The following ABLIM1 variants were observed in gnomAD, a reference collection of about 807,000 sequenced individuals.
The protein encoded by ABLIM1 is actin binding LIM protein 1, also known as actin-binding LIM protein 1.
ABLIM1 carries 40 observed loss-of-function variants against 107.0 expected under a neutral mutation model. That is an observed-to-expected ratio of 0.37 (90% CI 0.29 to 0.49). The LOEUF is 0.49. Ranked by LOEUF, ABLIM1 falls within the 20% of genes least tolerant of loss-of-function variation. The pLI, the probability that ABLIM1 is intolerant of heterozygous loss-of-function variation, is 0.97. For missense variants in ABLIM1, 857 were observed against 1,008.5 expected (o/e 0.85, Z 2.04); for synonymous variants, 357 against 357.3 (o/e 1.00, Z 0.01).
intron 2 of ABLIM1, among the ~76,000 whole-genome samples, chr10:114,591,296 A>T (rs1216177054): frequency 1.3e-5 from 2 of 152,284 alleles, no homozygotes; most frequent in East Asian, 3.9e-4. Flanking sequence ...TATTTGCCAT[A>T]GTTTTTATCT....
At chr10:114,595,672 C>T (rs1297092678) in intron 2 of ABLIM1, among the ~76,000 whole-genome samples, 1 of 152,170 alleles carries the variant, frequency 6.6e-6, no homozygotes, top group African/African-American at 2.4e-5. Flanking sequence ...TTGGGATCTG[C>T]TTTTCATTTA....
chr10:114,658,662 G>A (rs916659581), upstream of ABLIM1, among the ~76,000 whole-genome samples: 2 of 152,122 alleles, frequency 1.3e-5, no homozygotes, highest in Non-Finnish European at 2.9e-5. Context: ...CAGTATTTCA[G>A]ATCTCACAGG....
intron 1 of ABLIM1, among the ~76,000 whole-genome samples, chr10:114,665,545 A>C (rs541348121): frequency 6.6e-6 from 1 of 152,378 alleles, no homozygotes; most frequent in African/African-American, 2.4e-5. Context: ...ACATATAAAC[A>C]ACTCTATTTA....
intron 1 of ABLIM1, among the ~76,000 whole-genome samples, chr10:114,633,491 C>T (rs943165497): frequency 6.6e-5 from 10 of 152,144 alleles, no homozygotes; most frequent in Non-Finnish European, 1.0e-4. Flanking sequence ...TAAGTCCCCT[C>T]CAGCCCCTGG....
At chr10:114,794,405 A>G in the ABLIM1 span, among the ~76,000 whole-genome samples, 1 of 152,264 alleles carries the variant, frequency 6.6e-6, no homozygotes, top group Non-Finnish European at 1.5e-5. Flanking sequence ...TACCTGGCAC[A>G]TAATAAGTAC....
Position 114,667,185 on chromosome 10 carries a change from C to T in ABLIM1, c.64+17105G>A, listed in dbSNP as rs74767352. On this transcript the variant is annotated intron_variant, in intron 1 of 23. Coordinates refer to the ABLIM1 transcript ENST00000369256. ...AACAGTTGTGATTTATTTTGGGTACCGGGGGAAGGTAGCGGGGTGCAAGAT... is the reference window on the plus strand; with the variant it reads ...AACAGTTGTGATTTATTTTGGGTACTGGGGGAAGGTAGCGGGGTGCAAGAT... 8.5e-5 allele frequency among the ~76,000 whole-genome samples: 13 copies of T among 152,152 alleles called. No homozygotes were observed. In the East Asian group the frequency reaches 1.5e-3, roughly 18 times the overall value.
At chr10:114,640,647 C>T (rs908914448) in intron 1 of ABLIM1, among the ~76,000 whole-genome samples, 3 of 152,088 alleles carry the variant, frequency 2.0e-5, no homozygotes, top group Non-Finnish European at 4.4e-5. Flanking sequence ...ATCTATGACC[C>T]GTGTAATACA....
chr10:114,781,143 G>A, the ABLIM1 span, among the ~76,000 whole-genome samples: 1 of 152,118 alleles, frequency 6.6e-6, no homozygotes, highest in East Asian at 1.9e-4. Context: ...TATAAGTTGT[G>A]TATTGTTTGT....
chr10:114,744,519 G>A (rs892812779), intron 1 of ABLIM1, among the ~76,000 whole-genome samples: 9 of 152,170 alleles, frequency 5.9e-5, no homozygotes, highest in Non-Finnish European at 7.3e-5. Context: ...GGTGGCATGC[G>A]CCTGGTGTCC....
intron 6 of ABLIM1, among the ~76,000 whole-genome samples, chr10:114,540,841 A>T (rs2066566772): frequency 6.6e-6 from 1 of 152,126 alleles, no homozygotes; most frequent in South Asian, 2.1e-4. Flanking sequence ...TCCCAGGCTT[A>T]CTCAAGCAGC....
At chr10:114,743,116 G>A (rs1591925347) in intron 1 of ABLIM1, among the ~76,000 whole-genome samples, 1 of 152,066 alleles carries the variant, frequency 6.6e-6, no homozygotes, top group African/African-American at 2.4e-5. Context: ...ATATTTGAGG[G>A]TATAAGTAGT....
At chr10:114,554,909 G>T (rs1187200748) in intron 4 of ABLIM1, among the ~76,000 whole-genome samples, 3 of 152,104 alleles carry the variant, frequency 2.0e-5, no homozygotes, top group African/African-American at 4.8e-5. Flanking sequence ...GAGGGACCCT[G>T]GGCAAACTAG....
intron 12 of ABLIM1, among the ~76,000 whole-genome samples, chr10:114,453,807 G>C (rs2062308025): frequency 6.6e-6 from 1 of 152,162 alleles, no homozygotes; most frequent in African/African-American, 2.4e-5. Flanking sequence ...ATGGAAAGCT[G>C]CTTGCTCATG....
intron 10 of ABLIM1, 149 bp downstream of exon 10, chr10:114,472,828 T>C (rs960737013): frequency 1.5e-6 from 1 of 661,578 alleles, no homozygotes; most frequent in Non-Finnish European, 2.3e-6. Context: ...GGCTTCTGAA[T>C]ACCTCAAAGC....
At chr10:114,623,982 T>A (rs1391726261) in intron 1 of ABLIM1, among the ~76,000 whole-genome samples, 1 of 151,928 alleles carries the variant, frequency 6.6e-6, no homozygotes, top group Non-Finnish European at 1.5e-5. Flanking sequence ...AGAAAAGAGG[T>A]CATGCATAAC....
At position 114,732,469 on chromosome 10, in the gene ABLIM1, A is replaced by T. The variant is rs1036257612; in HGVS notation, c.-213+35592T>A. On this transcript the variant is annotated intron_variant, in intron 1 of 15. Transcript: ENST00000651092. ...CAGTTCTTTATATATTCTGAAAAAT[A>T]GACCCTTATCAGATATATGATTTGC... 3.3e-5 allele frequency among the ~76,000 whole-genome samples: 5 copies of T among 152,044 alleles called. No individual in the cohort carries two copies. In the South Asian group the frequency reaches 6.2e-4, roughly 19 times the overall value.
At chr10:114,642,700 T>C (rs1469600521) in intron 1 of ABLIM1, among the ~76,000 whole-genome samples, 1 of 152,168 alleles carries the variant, frequency 6.6e-6, no homozygotes, top group African/African-American at 2.4e-5. Context: ...ATAGATATAA[T>C]ATATTTTGGC....
intron 1 of ABLIM1, among the ~76,000 whole-genome samples, chr10:114,642,662 G>A (rs924273392): frequency 6.6e-6 from 1 of 152,140 alleles, no homozygotes; most frequent in East Asian, 1.9e-4. Context: ...GAAATGAAGA[G>A]ACAGCTGAAT....
In ABLIM1 at chr10:114,583,129, T is replaced by C. The variant is rs531850449; in HGVS notation, c.380-7530A>G. On this transcript the variant is annotated intron_variant, in intron 2 of 22. Coordinates refer to ENST00000533213, the MANE Select transcript of ABLIM1 (RefSeq NM_002313.7). The stretch of plus-strand genomic sequence containing the variant: ...AACTGTGCATCCAACAAAAGTCTAT[T>C]ATACAGAATCTATAAGGAATTTAAT... 2.7e-4 allele frequency among the ~76,000 whole-genome samples: 41 copies of C among 151,764 alleles called. No homozygotes were observed. The Middle Eastern group carries it at 0.01, about 38-fold the overall frequency.
Sources: gnomAD v4.1 joint callset for allele counts (sites outside exome capture counted in the v4.1 genomes callset) on GRCh38, gnomAD v4.1.1 for gene constraint, MANE v1.5 for transcripts, NCBI Gene and HGNC (gene_info 2026-07-23, HGNC 2026-07-21) for gene names.